The following EDIL3 variants were observed in gnomAD, a reference collection of about 807,000 sequenced individuals.
EDIL3 encodes the protein EGF like and discoidin domains 3, also known as EGF-like repeat and discoidin I-like domain-containing protein 3.
In EDIL3, 37 loss-of-function variants were observed where a neutral mutation model predicts 67.4. The observed-to-expected ratio is 0.55, with a 90% CI of 0.42 to 0.72. EDIL3 has a LOEUF of 0.72. EDIL3 is among the 30% of genes least tolerant of loss of function. EDIL3 has a pLI of 0.00. For synonymous variants in EDIL3, 195 were observed against 196.3 expected (o/e 0.99, Z 0.05); for missense variants, 527 against 586.3 (o/e 0.90, Z 1.04).
chr5:84,251,043 T>A (rs1745015849), intron 2 of EDIL3, among the ~76,000 whole-genome samples: 1 of 152,300 alleles, frequency 6.6e-6, no homozygotes, highest in Admixed American at 6.5e-5. Flanking sequence ...GTTTCCTGCA[T>A]TGGTGCTAGA....
chr5:84,110,596 C>G (rs570346515), intron 5 of EDIL3, among the ~76,000 whole-genome samples: 4 of 152,256 alleles, frequency 2.6e-5, no homozygotes, highest in African/African-American at 9.6e-5. Context: ...TGTGTTTTCT[C>G]ATATAATCTT....
intron 9 of EDIL3, among the ~76,000 whole-genome samples, chr5:84,050,270 A>G (rs1214220980): frequency 6.6e-6 from 1 of 151,974 alleles, no homozygotes; most frequent in Non-Finnish European, 1.5e-5. Context: ...TTGATCTTAT[A>G]GAAGTGAGTA....
At chr5:84,302,202 T>TA (rs1413555853) in intron 1 of EDIL3, among the ~76,000 whole-genome samples, 4 of 152,192 alleles carry the variant, frequency 2.6e-5, no homozygotes, top group Non-Finnish European at 5.9e-5. Context: ...AGCTCCATGT[T>TA]AATGTTTTAT....
chr5:84,078,079 A>G (rs1746896161), intron 6 of EDIL3, among the ~76,000 whole-genome samples: 1 of 152,198 alleles, frequency 6.6e-6, no homozygotes, highest in South Asian at 2.1e-4. Flanking sequence ...TGATGATGGG[A>G]ATGTAAACTA....
chr5:84,241,461 T>G (rs1167758185), intron 2 of EDIL3, among the ~76,000 whole-genome samples: 2 of 152,172 alleles, frequency 1.3e-5, no homozygotes, highest in African/African-American at 4.8e-5. Flanking sequence ...TCATAACTTA[T>G]TTGCTCTAAG....
chr5:84,209,581 A>G (rs1744071003), intron 3 of EDIL3, among the ~76,000 whole-genome samples: 1 of 152,168 alleles, frequency 6.6e-6, no homozygotes, highest in African/African-American at 2.4e-5. Context: ...TTTGTACAGT[A>G]CACTATGCCT....
intron 10 of EDIL3, among the ~76,000 whole-genome samples, chr5:83,944,742 G>A (rs193072929): frequency 2.4e-4 from 36 of 151,464 alleles, no homozygotes; most frequent in African/African-American, 7.7e-4. Flanking sequence ...TCTCTTCAAC[G>A]CTTTCTGTTT....
At chr5:84,005,265 T>G (rs948941297) in intron 9 of EDIL3, among the ~76,000 whole-genome samples, 1 of 152,090 alleles carries the variant, frequency 6.6e-6, no homozygotes, top group Non-Finnish European at 1.5e-5. Flanking sequence ...GAAAAGCCAC[T>G]GCCAATCCCA....
At chr5:84,011,266 C>T (rs756454201) in intron 9 of EDIL3, among the ~76,000 whole-genome samples, 25 of 152,236 alleles carry the variant, frequency 1.6e-4, no homozygotes, top group African/African-American at 5.8e-4. Context: ...TCTTAGCAAT[C>T]GGCCAAAAAA....
intron 1 of EDIL3, among the ~76,000 whole-genome samples, chr5:84,308,522 G>A (rs75761995): frequency 0.014 from 2,058 of 152,164 alleles, 52 homozygotes; most frequent in African/African-American, 0.048. Flanking sequence ...TTATATGATG[G>A]GTACATGCTA....
intron 1 of EDIL3, among the ~76,000 whole-genome samples, chr5:84,353,227 G>A (rs1310482029): frequency 6.6e-6 from 1 of 152,144 alleles, no homozygotes. Context: ...AATAGCTGCT[G>A]TGCCCAATCA....
intron 2 of EDIL3, among the ~76,000 whole-genome samples, chr5:84,232,079 G>A (rs948372777): frequency 2.6e-5 from 4 of 152,174 alleles, no homozygotes; most frequent in Non-Finnish European, 2.9e-5. Flanking sequence ...AACTTCTTCT[G>A]CTGTGCCTTA....
intron 1 of EDIL3, among the ~76,000 whole-genome samples, chr5:84,315,548 A>T (rs990483010): frequency 6.6e-6 from 1 of 152,174 alleles, no homozygotes; most frequent in Non-Finnish European, 1.5e-5. Flanking sequence ...AACTGAACAG[A>T]TACATTGCTA....
intron 4 of EDIL3, among the ~76,000 whole-genome samples, chr5:84,138,666 T>C (rs1357779306): frequency 6.7e-6 from 1 of 148,538 alleles, no homozygotes; most frequent in African/African-American, 2.5e-5. Context: ...TCTTTTGACA[T>C]TTTTTTTTTC....
At chr5:84,314,213 A>G (rs1302766957) in intron 1 of EDIL3, among the ~76,000 whole-genome samples, 1 of 152,096 alleles carries the variant, frequency 6.6e-6, no homozygotes, top group African/African-American at 2.4e-5. Context: ...AGAAAAAAAG[A>G]AAGAAAGAAG....
At chr5:84,132,304 AATATATATTATATATATTTTATATAAT>A (rs1214282279) in intron 5 of EDIL3, among the ~76,000 whole-genome samples, 2 of 102,316 alleles carry the variant, frequency 2.0e-5, no homozygotes, top group East Asian at 2.5e-4. Flanking sequence ...TTTTATATAT[AATATATATTATATATATTTTATATAAT>A]ATATATTATA....
chr5:84,006,500 TTGTAAGTGC>T (rs1293336155), intron 9 of EDIL3, among the ~76,000 whole-genome samples: 1 of 152,130 alleles, frequency 6.6e-6, no homozygotes, highest in Non-Finnish European at 1.5e-5. Flanking sequence ...ATGTTCCCAC[TTGTAAGTGC>T]AAGCTAAACA....
chr5:84,019,842 G>C (rs1436707644), intron 9 of EDIL3, among the ~76,000 whole-genome samples: 1 of 151,934 alleles, frequency 6.6e-6, no homozygotes, highest in East Asian at 1.9e-4. Flanking sequence ...TGAATCTTTG[G>C]TTTAGCTCCT....
intron 1 of EDIL3, among the ~76,000 whole-genome samples, chr5:84,283,384 T>C (rs1300083301): frequency 1.3e-5 from 2 of 152,174 alleles, no homozygotes; most frequent in African/African-American, 4.8e-5. Context: ...TTCTTCACCC[T>C]AACTTCAATT....
Sources: gnomAD v4.1 joint callset for allele counts (sites outside exome capture counted in the v4.1 genomes callset) on GRCh38, gnomAD v4.1.1 for gene constraint, MANE v1.5 for transcripts, NCBI Gene and HGNC (gene_info 2026-07-23, HGNC 2026-07-21) for gene names.